The following ADAMTS18 variants were observed in gnomAD, a reference collection of about 807,000 sequenced individuals.
ADAMTS18 encodes the protein ADAM metallopeptidase with thrombospondin type 1 motif 18, also known as A disintegrin and metalloproteinase with thrombospondin motifs 18.
A neutral mutation model predicts 165.9 loss-of-function variants in ADAMTS18; 157 were observed. That is an observed-to-expected ratio of 0.95 (90% CI 0.83 to 1.08). The LOEUF is 1.08. ADAMTS18 is among the 50% of genes least tolerant of loss of function. The pLI is 0.00. For synonymous variants in ADAMTS18, 782 were observed against 578.2 expected (o/e 1.35, Z -5.06); for missense variants, 2,040 against 1,534.0 (o/e 1.33, Z -5.51).
intron 3 of ADAMTS18, among the ~76,000 whole-genome samples, chr16:77,408,468 A>T (rs965071922): frequency 6.6e-6 from 1 of 152,172 alleles, no homozygotes; most frequent in African/African-American, 2.4e-5. Context: ...TGTCAACAAA[A>T]AAATAGATAA....
At chr16:77,362,608 T>G (rs1173678963) in intron 6 of ADAMTS18, among the ~76,000 whole-genome samples, 2 of 152,206 alleles carry the variant, frequency 1.3e-5, no homozygotes, top group Admixed American at 1.3e-4. Context: ...GTTCAATGGC[T>G]TTTCCATAAA....
chr16:77,347,946 T>C (rs1002463606), intron 10 of ADAMTS18, among the ~76,000 whole-genome samples: 3 of 152,162 alleles, frequency 2.0e-5, no homozygotes, highest in African/African-American at 4.8e-5. Context: ...CCCAAAGATA[T>C]GGAAGTATTA....
At chr16:77,389,337 T>C (rs776385874) in intron 3 of ADAMTS18, among the ~76,000 whole-genome samples, 2 of 152,134 alleles carry the variant, frequency 1.3e-5, no homozygotes, top group Non-Finnish European at 2.9e-5. Context: ...CTTTACATGA[T>C]CTAATTCCAC....
intron 3 of ADAMTS18, among the ~76,000 whole-genome samples, chr16:77,415,630 C>T (rs1414937837): frequency 1.3e-5 from 2 of 150,238 alleles, no homozygotes; most frequent in Middle Eastern, 3.5e-3. Flanking sequence ...CACCTTCCCA[C>T]AGACTGCATG....
At position 77,291,340 on chromosome 16, in the gene ADAMTS18, A is replaced by G; in HGVS notation, c.3328T>C (p.Cys1110Arg). The G allele has an allele frequency of 6.2e-7, 1 of 1,614,184 alleles. No homozygotes were observed. The highest frequency in any genetic ancestry group is 1.1e-5 in the South Asian group (1 of 91,088). ...TGGGCTGGGCAAGCCCGTCGGTTGC[A>G]GGTCTCTTCCAAGTCCAGATTTGGT... ...KKPNLDLEETCNRRACPAHPV... is the reference protein window; with the variant it reads ...KKPNLDLEETRNRRACPAHPV... Residue 1110 changes from cysteine (C) to arginine (R), a missense_variant, in exon 21 of 23, where the codon TGC becomes CGC. Cys to Arg is a radical substitution (Grantham distance 180). Transcript: ENST00000282849.
chr16:77,337,815 G>A (rs1029771552), intron 11 of ADAMTS18, among the ~76,000 whole-genome samples: 2 of 151,942 alleles, frequency 1.3e-5, no homozygotes, highest in Non-Finnish European at 2.9e-5. Context: ...ACACAGACCT[G>A]CACACATTCA....
At chr16:77,300,137 G>A (rs1289447386) in intron 17 of ADAMTS18, 126 bp downstream of exon 17, 1 of 1,141,772 alleles carries the variant, frequency 8.8e-7, no homozygotes, top group Non-Finnish European at 1.3e-6. Flanking sequence ...CTTTTATGGT[G>A]ATGGTTCTCA....
At chr16:77,293,482 T>C (rs2055408027) in intron 19 of ADAMTS18, among the ~76,000 whole-genome samples, 1 of 151,936 alleles carries the variant, frequency 6.6e-6, no homozygotes, top group Non-Finnish European at 1.5e-5. Flanking sequence ...TATTGCTAAC[T>C]GCAAAGAAAG....
intron 22 of ADAMTS18, among the ~76,000 whole-genome samples, chr16:77,285,090 C>A (rs188353493): frequency 6.6e-6 from 1 of 150,972 alleles, no homozygotes; most frequent in Non-Finnish European, 1.5e-5. Context: ...AGAATTCTTA[C>A]TCAGATGGGC....
chr16:77,332,762 C>A (rs116570475), intron 12 of ADAMTS18, among the ~76,000 whole-genome samples: 11 of 152,126 alleles, frequency 7.2e-5, no homozygotes, highest in African/African-American at 4.8e-5. Context: ...TATGACCAGA[C>A]CAAAGAGTGC....
intron 3 of ADAMTS18, among the ~76,000 whole-genome samples, chr16:77,407,926 A>G (rs1597237294): frequency 6.6e-6 from 1 of 152,136 alleles, no homozygotes; most frequent in East Asian, 1.9e-4. Flanking sequence ...CGAGAAATTA[A>G]AATTTAAAAA....
chr16:77,420,165 G>C (rs552789386), intron 3 of ADAMTS18, among the ~76,000 whole-genome samples: 3 of 149,866 alleles, frequency 2.0e-5, no homozygotes, highest in African/African-American at 4.9e-5. Context: ...GTGGGTGAAG[G>C]GTATGTGGAA....
chr16:77,321,855 G>T (rs762430382), intron 14 of ADAMTS18, among the ~76,000 whole-genome samples: 14 of 152,100 alleles, frequency 9.2e-5, no homozygotes, highest in Non-Finnish European at 1.6e-4. Context: ...AGTAAATGAG[G>T]AACGTAGATA....
chr16:77,410,593 A>T (rs1399878922), intron 3 of ADAMTS18, among the ~76,000 whole-genome samples: 1 of 152,158 alleles, frequency 6.6e-6, no homozygotes, highest in African/African-American at 2.4e-5. Context: ...TTTGCACAAG[A>T]ACACAATATT....
At chr16:77,393,132 C>G (rs1483573411) in intron 3 of ADAMTS18, among the ~76,000 whole-genome samples, 1 of 152,206 alleles carries the variant, frequency 6.6e-6, no homozygotes, top group African/African-American at 2.4e-5. Context: ...CAGGGACCAT[C>G]TGGTCACCAT....
At chr16:77,300,610 A>C (rs974625414) in intron 16 of ADAMTS18, among the ~76,000 whole-genome samples, 12 of 152,126 alleles carry the variant, frequency 7.9e-5, no homozygotes, top group African/African-American at 2.9e-4. Flanking sequence ...CAAAACTGTG[A>C]TTTAGGTAGA....
Position 77,291,283 on chromosome 16 carries a change from A to T in ADAMTS18, c.3385T>A (p.Ser1129Thr). ...GTACCCACCTGCTGCCACGGCAATGAATACCATCCAGCTACCATGTTGTAC... is the reference window on the plus strand; with the variant it reads ...GTACCCACCTGCTGCCACGGCAATGTATACCATCCAGCTACCATGTTGTAC... The part of the protein sequence containing the change: ...PVYNMVAGWY[S>T]LPWQQCTVTC... Residue 1129 changes from serine to threonine, a missense_variant, in exon 21 of 23, where the codon TCA becomes ACA. By Grantham distance (58) the Ser-to-Thr change is moderately conservative (BLOSUM62 1). Transcript: ENST00000282849. 1.2e-6 allele frequency: 2 copies of T among 1,614,156 alleles called. No homozygotes were observed. The highest frequency in any genetic ancestry group is 1.7e-6 in the Non-Finnish European group (2 of 1,180,026).
chr16:77,292,978 C>CCT lies in ADAMTS18; in HGVS notation c.3189+96_3189+97dup, dbSNP rs774768131. 5.7e-5 allele frequency: 86 copies of CCT among 1,502,490 alleles called. No individual in the cohort carries two copies. The South Asian group carries it at 9.3e-4, about 16-fold the overall frequency. The allele number at this position is 1,502,490 out of a possible 1,614,324, so 93.1% of individuals were successfully genotyped here. On this transcript the variant is annotated intron_variant, in intron 20 of 22. Coordinates refer to ENST00000282849, the MANE Select transcript of ADAMTS18 (RefSeq NM_199355.4). Reference sequence around the variant, plus strand: ...CAGACTACAGGCGCCTGCCACCTTGCCTGGCTAATTTTTTGTATTTTTAGT... The same window carrying CCT: ...CAGACTACAGGCGCCTGCCACCTTGCCTCTGGCTAATTTTTTGTATTTTTAGT...
chr16:77,356,017 CATGAT>C lies in ADAMTS18; in HGVS notation c.1378_1382del (p.Ile460ValfsTer36). The C allele has an allele frequency of 6.2e-7, 1 of 1,614,060 alleles. No individual in the cohort carries two copies. The highest frequency in any genetic ancestry group is 8.5e-7 in the Non-Finnish European group (1 of 1,179,974). ...CATTGTTTCCGGTCAGTGTGGGAGA[CATGAT>C]ATTGCCTTCAGCCTTTCTGCAGGGA... On this transcript the variant is annotated frameshift_variant, in exon 9 of 23. Coordinates refer to ENST00000282849, the MANE Select transcript of ADAMTS18 (RefSeq NM_199355.4). LOFTEE classifies it high-confidence loss of function.
Sources: gnomAD v4.1 joint callset for allele counts (sites outside exome capture counted in the v4.1 genomes callset) on GRCh38, gnomAD v4.1.1 for gene constraint, MANE v1.5 for transcripts, NCBI Gene and HGNC (gene_info 2026-07-23, HGNC 2026-07-21) for gene names.